Variants in UTRN observed in about 807,000 individuals in gnomAD.
UTRN encodes utrophin, also known as dystrophin-related protein 1.
A neutral mutation model predicts 463.9 loss-of-function variants in UTRN; 283 were observed. That is an observed-to-expected ratio of 0.61 (90% CI 0.55 to 0.67). UTRN has a LOEUF of 0.67. Ranked by LOEUF, UTRN falls within the 30% of genes least tolerant of loss-of-function variation. UTRN has a pLI of 0.00. For synonymous variants in UTRN, 1,442 were observed against 1,431.5 expected, an observed-to-expected ratio of 1.01 and a Z score of -0.17; for missense variants, 3,922 against 4,084.3, an observed-to-expected ratio of 0.96 and a Z score of 1.08.
intron 2 of UTRN, among the ~76,000 whole-genome samples, chr6:144,319,834 C>T (rs937217800): frequency 5.3e-5 from 8 of 151,516 alleles, no homozygotes; most frequent in Admixed American, 2.6e-4. Context: ...AGGCATGGGT[C>T]ACCATGCCCA....
At chr6:144,390,242 C>T (rs1781787704) in intron 2 of UTRN, among the ~76,000 whole-genome samples, 1 of 152,154 alleles carries the variant, frequency 6.6e-6, no homozygotes, top group Non-Finnish European at 1.5e-5. Context: ...CACGTCCCAG[C>T]AGCAACCTTC....
intron 34 of UTRN, among the ~76,000 whole-genome samples, chr6:144,500,460 T>C (rs1208977188): frequency 1.3e-5 from 2 of 152,210 alleles, no homozygotes; most frequent in East Asian, 3.8e-4. Context: ...ATGGGGTTAT[T>C]TGTAAAACAG....
intron 53 of UTRN, among the ~76,000 whole-genome samples, chr6:144,713,182 T>A (rs1418287103): frequency 6.6e-6 from 1 of 152,222 alleles, no homozygotes; most frequent in East Asian, 1.9e-4. Context: ...AGCATTTCCT[T>A]TGAGTAACAA....
At chr6:144,773,534 A>T (rs1775043336) in intron 59 of UTRN, among the ~76,000 whole-genome samples, 1 of 152,246 alleles carries the variant, frequency 6.6e-6, no homozygotes, top group South Asian at 2.1e-4. Context: ...GGTCAACCAG[A>T]AAAGCACAAG....
chr6:144,754,728 G>T lies in UTRN; in HGVS notation c.8364G>T (p.Val2788=). Residue 2788 remains valine, a synonymous_variant, in exon 57 of 75, where the codon GTG becomes GTT. Transcript: ENST00000367545. ...NMRWKLLQVS[V]DDRLKQLQEA... The stretch of plus-strand genomic sequence containing the variant: ...CATGTGTATGTGTGCAGGTTTCTGT[G>T]GATGATCGCCTTAAACAGCTTCAGG... The T allele has an allele frequency of 6.2e-7, 1 of 1,613,186 alleles. No homozygotes were observed. The highest frequency in any genetic ancestry group is 8.5e-7 in the Non-Finnish European group (1 of 1,179,584).
At position 144,550,984 on chromosome 6, in the gene UTRN, A is replaced by G; in HGVS notation, c.6830A>G (p.Glu2277Gly). Residue 2277 changes from glutamate to glycine, a missense_variant, in exon 48 of 75, where the codon GAA (glutamate) becomes GGA (glycine). This residue lies in a region of UTRN where 1,309 missense variants were observed against 1,452.6 expected (regional missense o/e 0.90). Transcript: ENST00000367545. ...TAACAGATTACAAAGGCTGACTTAG[A>G]ACAGCGCCATCCTCAGCTGGATTAT... ...SRMKITKADL[E>G]QRHPQLDYVF... 5 of 1,609,078 alleles carry G rather than the reference A, an allele frequency of 3.1e-6. No homozygotes were observed. Among genetic ancestry groups the G allele is most frequent in the Non-Finnish European group, 4.2e-6 (5 of 1,178,724 alleles).
chr6:144,308,206 A>G (rs1805923956), intron 2 of UTRN, among the ~76,000 whole-genome samples: 1 of 152,160 alleles, frequency 6.6e-6, no homozygotes, highest in African/African-American at 2.4e-5. Context: ...AACATTGATG[A>G]TCCTTCTAAT....
rs1305997711 is a variant in UTRN, at chr6:144,815,720, G to T, written c.9358-5162G>T. 2.0e-5 allele frequency among the ~76,000 whole-genome samples: 3 copies of T among 152,206 alleles called. 1 individual carries two copies. The South Asian group carries it at 6.2e-4, about 32-fold the overall frequency. ...CCATACTGGCAAGTGATTAGATGGT[G>T]CCCACTGATTAGATGGTACCCACCG... On this transcript the variant is annotated intron_variant, in intron 65 of 74. Transcript: ENST00000367545.
At chr6:144,799,920 A>C (rs1242742983) in intron 64 of UTRN, among the ~76,000 whole-genome samples, 2 of 152,250 alleles carry the variant, frequency 1.3e-5, no homozygotes, top group Admixed American at 1.3e-4. Flanking sequence ...AGAGAGATTT[A>C]ATATTAAGAA....
intron 14 of UTRN, among the ~76,000 whole-genome samples, chr6:144,445,857 C>T (rs1287012135): frequency 6.6e-6 from 1 of 151,924 alleles, no homozygotes; most frequent in Non-Finnish European, 1.5e-5. Context: ...TGAAACCTGT[C>T]TCTACTAAAA....
chr6:144,570,500 CTACCTTAATCCAAAA>C (rs2128621618), intron 50 of UTRN, among the ~76,000 whole-genome samples: 1 of 152,264 alleles, frequency 6.6e-6, no homozygotes, highest in African/African-American at 2.4e-5. Context: ...GGAGCTTTGT[CTACCTTAATCCAAAA>C]TCCATATTTT....
chr6:144,775,970 G>C (rs559390995), intron 60 of UTRN, among the ~76,000 whole-genome samples: 1 of 152,242 alleles, frequency 6.6e-6, no homozygotes, highest in Non-Finnish European at 1.5e-5. Context: ...ACAACTAAAT[G>C]ACAGTTAGAA....
At chr6:144,531,567 C>T (rs1316106255) in intron 42 of UTRN, among the ~76,000 whole-genome samples, 2 of 152,100 alleles carry the variant, frequency 1.3e-5, no homozygotes, top group Non-Finnish European at 2.9e-5. Flanking sequence ...AACACTTAGG[C>T]ATCTCATTTT....
chr6:144,774,471 G>T lies in UTRN; in HGVS notation c.8632+107G>T, dbSNP rs1364739759. 7 of 967,022 alleles carry T rather than the reference G, an allele frequency of 7.2e-6. No homozygotes were observed. In the African/African-American group the frequency reaches 1.0e-4, roughly 14 times the overall value. The allele number at this position is 967,022 out of a possible 1,614,324, so 59.9% of individuals were successfully genotyped here. The stretch of plus-strand genomic sequence containing the variant: ...ATGGAGTGTTTGCCAAGTTAATCTG[G>T]TCTTCAGTGTACCTCACTCAAGGAG... On this transcript the variant is annotated intron_variant, in intron 60 of 74. Transcript: ENST00000367545.
chr6:144,315,495 C>G (rs370755498), intron 2 of UTRN, among the ~76,000 whole-genome samples: 9 of 152,230 alleles, frequency 5.9e-5, no homozygotes, highest in African/African-American at 9.6e-5. Flanking sequence ...GGACAGGGCC[C>G]GATGCCAAAC....
chr6:144,658,176 G>A (rs559970469), intron 51 of UTRN, among the ~76,000 whole-genome samples: 4 of 152,276 alleles, frequency 2.6e-5, no homozygotes, highest in East Asian at 1.9e-4. Flanking sequence ...TCAAATGTGC[G>A]TTGAGGTGAA....
Position 144,782,124 on chromosome 6 carries a change from G to C in UTRN, c.8834+1G>C. 6.3e-7 allele frequency: 1 copy of C among 1,577,268 alleles called. No individual in the cohort carries two copies. The highest frequency in any genetic ancestry group is 1.7e-5 in the Admixed American group (1 of 57,754). On this transcript the variant is annotated splice_donor_variant, in intron 61 of 74. Coordinates refer to ENST00000367545, the MANE Select transcript of UTRN (RefSeq NM_007124.3). LOFTEE classifies it high-confidence loss of function. ...ATTGGTTGCTCAATGTCTATGACAC[G>C]TAAGTTTATATTTTTTCTCATTAAA...
intron 46 of UTRN, among the ~76,000 whole-genome samples, chr6:144,546,093 T>A (rs1798378621): frequency 6.6e-6 from 1 of 152,158 alleles, no homozygotes; most frequent in Non-Finnish European, 1.5e-5. Context: ...AACAATGAAT[T>A]TTTTTTATCT....
At chr6:144,394,609 A>C (rs146365287) in intron 2 of UTRN, among the ~76,000 whole-genome samples, 41 of 152,302 alleles carry the variant, frequency 2.7e-4, no homozygotes. Context: ...TAGAAGACAC[A>C]TGGCATACAG....
Sources: allele counts gnomAD v4.1 joint callset (sites outside exome capture counted in the v4.1 genomes callset), GRCh38; gene constraint gnomAD v4.1.1; regional missense constraint gnomAD v4.1.1; transcripts MANE v1.5; gene names NCBI Gene and HGNC (gene_info 2026-07-23, HGNC 2026-07-21).